SNW1: variants seen among roughly 807,000 people sequenced by gnomAD.
SNW1 encodes SNW domain-containing protein 1.
SNW1 carries 9 observed loss-of-function variants against 75.6 expected under a neutral mutation model. That is an observed-to-expected ratio of 0.12 (90% CI 0.07 to 0.21). The LOEUF (loss-of-function observed/expected upper bound fraction) is 0.21, where lower values mean the gene tolerates loss of function less well. Among genes scored for constraint, SNW1 ranks in the 10% least tolerant of loss-of-function variants. SNW1 has a pLI of 1.00. For synonymous variants in SNW1, 200 were observed against 219.1 expected (o/e 0.91, Z 0.77); for missense variants, 409 against 670.9 (o/e 0.61, Z 4.31).
At chr14:77,752,833 A>G (rs557429053) in intron 2 of SNW1, among the ~76,000 whole-genome samples, 1 of 152,330 alleles carries the variant, frequency 6.6e-6, no homozygotes, top group East Asian at 1.9e-4. Flanking sequence ...TCCTAAGTAC[A>G]ATATGCTTAT....
intron 3 of SNW1, among the ~76,000 whole-genome samples, chr14:77,741,484 C>T (rs1347284537): frequency 1.3e-5 from 2 of 152,096 alleles, no homozygotes; most frequent in South Asian, 4.1e-4. Flanking sequence ...TTGTTTTTCT[C>T]AGGAGTGAGA....
At chr14:77,739,860 C>A (rs573419174) in intron 3 of SNW1, among the ~76,000 whole-genome samples, 13 of 151,864 alleles carry the variant, frequency 8.6e-5, no homozygotes, top group African/African-American at 3.1e-4. Context: ...AGGGGCCGGG[C>A]GCGGTGGCTC....
At chr14:77,722,336 AATT>A (rs1324178371) in intron 11 of SNW1, among the ~76,000 whole-genome samples, 4 of 152,152 alleles carry the variant, frequency 2.6e-5, no homozygotes, top group Non-Finnish European at 5.9e-5. Context: ...AATTTTCTCA[AATT>A]ATTTTATGGA....
chr14:77,734,028 G>A (rs1263450678), intron 8 of SNW1: 8 of 337,978 alleles, frequency 2.4e-5, no homozygotes, highest in East Asian at 1.7e-4. Context: ...CAGACCAGTC[G>A]GCAACCTCTT....
chr14:77,754,919 T>A, intron 2 of SNW1, 48 bp downstream of exon 2: 1 of 1,476,080 alleles, frequency 6.8e-7, no homozygotes, highest in Non-Finnish European at 9.1e-7. Context: ...TGTGCTATAA[T>A]AAATTTCAGC....
Position 77,738,808 on chromosome 14 carries a change from G to C in SNW1, c.503C>G (p.Ala168Gly). 1 of 1,614,116 alleles carries C rather than the reference G, an allele frequency of 6.2e-7. No homozygotes were observed. Among genetic ancestry groups the C allele is most frequent in the East Asian group, 2.2e-5 (1 of 44,880 alleles). The stretch of plus-strand genomic sequence containing the variant: ...ATACTGAGCAGGAGCCAATTTGTCA[G>C]CTGCTCGAACTGGCATGGCTGCGGC... ...KVAAAMPVRA[A>G]DKLAPAQYIR... Residue 168 changes from alanine to glycine, a missense_variant, in exon 5 of 14, where the codon GCT (alanine) becomes GGT (glycine). Physicochemically the swap from Ala to Gly is moderately conservative, Grantham distance 60. This residue lies in a region of SNW1 where 70 missense variants were observed against 136.7 expected (regional missense o/e 0.51). Transcript: ENST00000261531.
In SNW1 at chr14:77,733,651, G is replaced by A. The variant is rs1595080193; in HGVS notation, c.775-1050C>T. 4.7e-5 allele frequency among the ~76,000 whole-genome samples: 7 copies of A among 149,538 alleles called. No homozygotes were observed. The South Asian group carries it at 1.5e-3, about 32-fold the overall frequency. On this transcript the variant is annotated intron_variant, in intron 8 of 13. Coordinates refer to ENST00000261531, the MANE Select transcript of SNW1 (RefSeq NM_012245.3). ...TCCCAACTACTCGGGAGGCTGAGGT[G>A]GGAGGATCGCCTGAGCCTGGGAGGT...
At chr14:77,750,652 A>G (rs1455808145) in intron 3 of SNW1, among the ~76,000 whole-genome samples, 1 of 124,872 alleles carries the variant, frequency 8.0e-6, no homozygotes, top group African/African-American at 3.0e-5. Context: ...TTCTATCTTG[A>G]GTATTTATTT....
Position 77,754,999 on chromosome 14 carries a change from A to G in SNW1, c.136T>C (p.Tyr46His). 6.2e-7 allele frequency: 1 copy of G among 1,606,306 alleles called. No individual in the cohort carries two copies. The highest frequency in any genetic ancestry group is 1.3e-5 in the African/African-American group (1 of 74,838). Residue 46 changes from tyrosine to histidine, a missense_variant, in exon 2 of 14, where the codon TAC becomes CAC. This residue lies in a region of SNW1 where 73 missense variants were observed against 68.3 expected (regional missense o/e 1.07). Transcript: ENST00000261531. Reference sequence around the variant, plus strand: ...AACCGAGGTATCCAGCCTTTCCGGTATCCGTACGGGGGAGGTTCTCTTCGG... The same window carrying G: ...AACCGAGGTATCCAGCCTTTCCGGTGTCCGTACGGGGGAGGTTCTCTTCGG... ...SSRREPPPYGYRKGWIPRLLE... is the reference protein window; with the variant it reads ...SSRREPPPYGHRKGWIPRLLE...
chr14:77,739,182 T>A (rs2080697581), intron 3 of SNW1, 121 bp from the exon 4 acceptor site: 1 of 716,914 alleles, frequency 1.4e-6, no homozygotes, highest in Admixed American at 2.3e-5. Flanking sequence ...ACTCAGATTT[T>A]CTCTTTTAGA....
intron 2 of SNW1, among the ~76,000 whole-genome samples, chr14:77,752,942 T>G (rs7148078): frequency 0.46 from 70,057 of 151,982 alleles, 16,541 homozygotes; most frequent in East Asian, 0.68. Context: ...CTAAGATAAG[T>G]GCTTCCCGTA....
At chr14:77,725,460 G>A (rs115088946) in intron 10 of SNW1, among the ~76,000 whole-genome samples, 2,158 of 152,226 alleles carry the variant, frequency 0.014, 56 homozygotes, top group African/African-American at 0.049. Flanking sequence ...TCATAGTTCA[G>A]GCCTTACATT....
At chr14:77,751,212 C>A in intron 3 of SNW1, 107 bp downstream of exon 3, 7 of 1,152,436 alleles carry the variant, frequency 6.1e-6, no homozygotes, top group Non-Finnish European at 8.6e-6. Context: ...CATGCCCAGC[C>A]ACTGCTACTT....
At chr14:77,745,106 C>T (rs1419750757) in intron 3 of SNW1, among the ~76,000 whole-genome samples, 1 of 152,112 alleles carries the variant, frequency 6.6e-6, no homozygotes, top group Admixed American at 6.5e-5. Flanking sequence ...CCCTTAAAAA[C>T]ATTATAGTCA....
intron 3 of SNW1, among the ~76,000 whole-genome samples, chr14:77,745,874 A>G (rs889432312): frequency 6.6e-6 from 1 of 151,948 alleles, no homozygotes; most frequent in Non-Finnish European, 1.5e-5. Flanking sequence ...AAATACAAAA[A>G]TTAGCCGGGC....
Position 77,724,443 on chromosome 14 carries a change from G to A in SNW1, c.1034-1166C>T, listed in dbSNP as rs532997362. Among the ~76,000 whole-genome samples the A allele has an allele frequency of 1.3e-4, 20 of 152,188 alleles. 1 individual carries two copies. The highest frequency in any genetic ancestry group is 2.6e-4 in the African/African-American group (11 of 41,532). On this transcript the variant is annotated intron_variant, in intron 10 of 13. Transcript: ENST00000261531. ...ACTAACTATTCACCCCACTGTACTA[G>A]GAACATTAGAACTTACTCTTTCTAA...
At chr14:77,747,565 C>T (rs570955561) in intron 3 of SNW1, among the ~76,000 whole-genome samples, 5 of 151,166 alleles carry the variant, frequency 3.3e-5, no homozygotes, top group South Asian at 2.1e-4. Flanking sequence ...TCTGCCCAGC[C>T]GGGACCCTGT....
rs559070692 is a variant in SNW1, at chr14:77,741,011, C to T, written c.331-1950G>A. Among the ~76,000 whole-genome samples the T allele has an allele frequency of 4.1e-3, 603 of 148,028 alleles. 9 individuals are homozygous for T. Among genetic ancestry groups the T allele is most frequent in the Non-Finnish European group, 7.0e-3 (475 of 67,460 alleles). On this transcript the variant is annotated intron_variant, in intron 3 of 13. Coordinates refer to ENST00000261531, the MANE Select transcript of SNW1 (RefSeq NM_012245.3). ...ACATGAGACGCTGAGGCAGGAGAAT[C>T]GCTTGAACCCAGGAGACGGAGGTGA...
At chr14:77,745,170 A>G (rs1463983335) in intron 3 of SNW1, among the ~76,000 whole-genome samples, 3 of 152,188 alleles carry the variant, frequency 2.0e-5, no homozygotes, top group Non-Finnish European at 4.4e-5. Flanking sequence ...GAAGACTGCT[A>G]TGATAAACAT....
Sources: gnomAD v4.1 joint callset for allele counts (sites outside exome capture counted in the v4.1 genomes callset) on GRCh38, gnomAD v4.1.1 for gene constraint, gnomAD v4.1.1 regional missense constraint, MANE v1.5 for transcripts, NCBI Gene and HGNC (gene_info 2026-07-23, HGNC 2026-07-21) for gene names.